NEBL: variants seen among roughly 807,000 people sequenced by gnomAD.
NEBL encodes the protein nebulette, also known as LIM and SH3 protein 2.
In NEBL, 122 loss-of-function variants were observed where a neutral mutation model predicts 140.2. The ratio of observed to expected loss-of-function variants is 0.87; its 90% confidence interval spans 0.75 to 1.01. The LOEUF (loss-of-function observed/expected upper bound fraction) is 1.01, where lower values mean the gene tolerates loss of function less well. Ranked by LOEUF, NEBL falls within the 50% of genes least tolerant of loss-of-function variation. The probability of loss-of-function intolerance (pLI) is 0.00; values close to 1 mark genes in which losing one functional copy is unlikely to be tolerated. For missense variants in NEBL, 1,365 were observed against 1,231.3 expected (o/e 1.11, Z -1.62); for synonymous variants, 436 against 398.9 (o/e 1.09, Z -1.11).
chr10:21,080,528 G>A (rs576658935), intron 2 of NEBL, among the ~76,000 whole-genome samples: 85 of 152,354 alleles, frequency 5.6e-4, no homozygotes, highest in African/African-American at 1.5e-3. Context: ...TATGAAGTTA[G>A]CCTTGGATCT....
Position 20,912,882 on chromosome 10 carries a change from T to A in NEBL, c.357+48790A>T, listed in dbSNP as rs994812840. The stretch of plus-strand genomic sequence containing the variant: ...CATGGGGGCCATAGTATGCCAATTC[T>A]TTTTTTTTTTTTTTTTTTTAGACAG... On this transcript the variant is annotated intron_variant, in intron 4 of 6. Coordinates refer to the NEBL transcript ENST00000417816. Among the ~76,000 whole-genome samples the A allele has an allele frequency of 5.3e-5, 4 of 74,850 alleles. No individual in the cohort carries two copies. The East Asian group carries it at 1.2e-3, about 23-fold the overall frequency. 49.1% of individuals were successfully genotyped at this position (74,850 alleles called of 152,430 possible).
chr10:21,086,201 C>A (rs182745991), intron 2 of NEBL, among the ~76,000 whole-genome samples: 64 of 152,262 alleles, frequency 4.2e-4, no homozygotes, highest in Non-Finnish European at 6.5e-4. Context: ...CATTTAGGCC[C>A]ACATGAAATA....
intron 1 of NEBL, among the ~76,000 whole-genome samples, chr10:21,278,155 T>C (rs1326154081): frequency 1.3e-5 from 2 of 152,146 alleles, no homozygotes; most frequent in Non-Finnish European, 2.9e-5. Flanking sequence ...AAAGATCTGA[T>C]TTGAGCCGGG....
At chr10:20,977,764 C>G (rs1836864795) in intron 3 of NEBL, among the ~76,000 whole-genome samples, 1 of 152,164 alleles carries the variant, frequency 6.6e-6, no homozygotes, top group South Asian at 2.1e-4. Context: ...CAGAATGGTA[C>G]CTTTGAAAGT....
intron 2 of NEBL, among the ~76,000 whole-genome samples, chr10:21,098,358 G>A (rs1005260964): frequency 1.1e-4 from 16 of 152,152 alleles, no homozygotes; most frequent in Non-Finnish European, 2.4e-4. Context: ...CCTCTTTGCA[G>A]CCCTACAACT....
chr10:21,004,503 G>A (rs809806), intron 3 of NEBL, among the ~76,000 whole-genome samples: 2 of 152,228 alleles, frequency 1.3e-5, no homozygotes, highest in Non-Finnish European at 1.5e-5. Flanking sequence ...GGCAGATCAC[G>A]AGGTCAGGAG....
chr10:20,923,494 C>A (rs1344492256), intron 4 of NEBL, among the ~76,000 whole-genome samples: 2 of 151,396 alleles, frequency 1.3e-5, no homozygotes, highest in Non-Finnish European at 2.9e-5. Flanking sequence ...CTGACTAACA[C>A]AGTGAAATCC....
intron 4 of NEBL, among the ~76,000 whole-genome samples, chr10:20,939,426 T>C (rs1211883294): frequency 6.6e-6 from 1 of 152,088 alleles, no homozygotes; most frequent in African/African-American, 2.4e-5. Flanking sequence ...AAAGAGCTCC[T>C]GAAGGAAGCA....
intron 4 of NEBL, among the ~76,000 whole-genome samples, chr10:20,935,002 C>A (rs138264025): frequency 1.3e-5 from 2 of 152,272 alleles, no homozygotes; most frequent in East Asian, 1.9e-4. Context: ...AAGTGCCACA[C>A]GATTTTATTT....
chr10:21,236,494 C>T (rs1842352552), intron 3 of NEBL, among the ~76,000 whole-genome samples: 1 of 151,866 alleles, frequency 6.6e-6, no homozygotes, highest in Non-Finnish European at 1.5e-5. Flanking sequence ...ACTACAGGTG[C>T]ACACGACCAC....
chr10:20,831,609 G>T, intron 14 of NEBL, 26 bp from the exon 15 acceptor site: 1 of 1,442,102 alleles, frequency 6.9e-7, no homozygotes, highest in Non-Finnish European at 9.8e-7. Flanking sequence ...CATACAGTTA[G>T]TGCTCTCCAA....
intron 3 of NEBL, among the ~76,000 whole-genome samples, chr10:21,017,102 C>A (rs915412816): frequency 6.6e-6 from 1 of 152,182 alleles, no homozygotes; most frequent in African/African-American, 2.4e-5. Context: ...GGTCCCATTC[C>A]AAGACCTATT....
At chr10:21,246,506 G>A (rs534537480) in intron 3 of NEBL, among the ~76,000 whole-genome samples, 93 of 152,190 alleles carry the variant, frequency 6.1e-4, no homozygotes, top group African/African-American at 2.1e-3. Context: ...AATTGGGCCA[G>A]GCACAATGGC....
intron 2 of NEBL, among the ~76,000 whole-genome samples, chr10:21,028,249 A>AGAAGAAGAAGAAGAAGAAGAAGAAG (rs1306907546): frequency 6.8e-6 from 1 of 146,520 alleles, no homozygotes. Context: ...AAAAAAAAAA[A>AGAAGAAGAAGAAGAAGAAGAAGAAG]AAAAAAAGAA....
At chr10:20,859,856 C>CT in intron 7 of NEBL, 30 bp from the exon 8 acceptor site, 2 of 1,057,092 alleles carry the variant, frequency 1.9e-6, no homozygotes, top group Non-Finnish European at 2.9e-6. Context: ...GTACATGTAA[C>CT]TTTACATTTA....
chr10:20,818,743 A>G (rs1386616503), intron 20 of NEBL: 1 of 958,368 alleles, frequency 1.0e-6, no homozygotes, highest in Non-Finnish European at 1.2e-6. Flanking sequence ...TGCCCAGTAC[A>G]TTTGGGTACT....
At chr10:21,172,207 T>C (rs1841103847) in intron 2 of NEBL, 1 of 644,826 alleles carries the variant, frequency 1.6e-6, no homozygotes, top group Non-Finnish European at 2.8e-6. Context: ...TAGAAAGGTA[T>C]AAAAAGCAGT....
At chr10:21,217,471 G>A (rs996896175) in intron 3 of NEBL, among the ~76,000 whole-genome samples, 1 of 147,656 alleles carries the variant, frequency 6.8e-6, no homozygotes, top group Non-Finnish European at 1.5e-5. Context: ...ATATTGCCAG[G>A]TGGCCAGCAA....
At chr10:20,940,911 C>A (rs1291069404) in intron 4 of NEBL, among the ~76,000 whole-genome samples, 8 of 151,384 alleles carry the variant, frequency 5.3e-5, no homozygotes, top group Non-Finnish European at 1.0e-4. Flanking sequence ...CTGAATAGAC[C>A]AATAACAGGC....
Sources: gnomAD v4.1 joint callset for allele counts (sites outside exome capture counted in the v4.1 genomes callset) on GRCh38, gnomAD v4.1.1 for gene constraint, MANE v1.5 for transcripts, NCBI Gene and HGNC (gene_info 2026-07-23, HGNC 2026-07-21) for gene names.